Variants in HGSNAT observed in about 807,000 individuals in gnomAD.
HGSNAT encodes transmembrane protein 76.
In HGSNAT, 59 loss-of-function variants were observed where a neutral mutation model predicts 85.2. That is an observed-to-expected ratio of 0.69 (90% CI 0.56 to 0.86). The LOEUF is 0.86. Among genes scored for constraint, HGSNAT ranks in the 40% least tolerant of loss-of-function variants. The pLI is 0.00. For synonymous variants in HGSNAT, 321 were observed against 304.5 expected, an observed-to-expected ratio of 1.05 and a Z score of -0.56; for missense variants, 756 against 777.1, an observed-to-expected ratio of 0.97 and a Z score of 0.32.
At chr8:43,189,181 G>A (rs1175620439) in intron 11 of HGSNAT, among the ~76,000 whole-genome samples, 2 of 152,226 alleles carry the variant, frequency 1.3e-5, no homozygotes, top group East Asian at 3.9e-4. Flanking sequence ...GGACGTTTAA[G>A]TTTGCAGAAG....
In HGSNAT at chr8:43,140,491, G is replaced by A; in HGVS notation, c.-6G>A. ...GCAGGCAAGGGCGGCCGAGCGGGCG[G>A]CGGGCATGAGCGGGGCGGGCAGGGC... is the stretch of plus-strand genomic sequence containing the variant. On this transcript the variant is annotated 5_prime_UTR_variant, in exon 1 of 18. Coordinates refer to ENST00000379644, the MANE Select transcript of HGSNAT (RefSeq NM_152419.3). 2 of 1,012,398 alleles carry A rather than the reference G, an allele frequency of 2.0e-6. No homozygotes were observed. The highest frequency in any genetic ancestry group is 1.2e-6 in the Non-Finnish European group (1 of 848,306). 62.7% of individuals were successfully genotyped at this position (1,012,398 alleles called of 1,614,324 possible).
intron 7 of HGSNAT, among the ~76,000 whole-genome samples, chr8:43,171,776 A>C (rs1317589309): frequency 1.3e-4 from 20 of 152,236 alleles, no homozygotes; most frequent in Admixed American, 1.2e-3. Flanking sequence ...TATGCTGGGC[A>C]CTGGTTAGCT....
chr8:43,196,745 C>T (rs984715597), intron 14 of HGSNAT: 11 of 597,322 alleles, frequency 1.8e-5, no homozygotes, highest in Admixed American at 1.7e-4. Context: ...CCAGAGAGGG[C>T]GTTCATCTCT....
At chr8:43,142,874 C>T (rs1802594775) in intron 1 of HGSNAT, among the ~76,000 whole-genome samples, 1 of 152,202 alleles carries the variant, frequency 6.6e-6, no homozygotes, top group African/African-American at 2.4e-5. Flanking sequence ...CCTTATTCCG[C>T]CCACCACCAA....
chr8:43,199,167 C>A (rs1217853763), intron 17 of HGSNAT, among the ~76,000 whole-genome samples: 2 of 152,218 alleles, frequency 1.3e-5, no homozygotes, highest in African/African-American at 4.8e-5. Context: ...TCCCAAAGTG[C>A]TGGGATTATA....
chr8:43,155,087 A>G (rs768415823), intron 2 of HGSNAT, among the ~76,000 whole-genome samples: 5 of 151,784 alleles, frequency 3.3e-5, no homozygotes, highest in Non-Finnish European at 7.4e-5. Context: ...TTTCTTTTGG[A>G]TCTATACCCA....
intron 10 of HGSNAT, chr8:43,181,498 G>A (rs1242766155): frequency 6.6e-6 from 1 of 152,398 alleles, no homozygotes; most frequent in Non-Finnish European, 1.5e-5. Context: ...GCCAAATGGA[G>A]CCCTCAGGCA....
intron 14 of HGSNAT, chr8:43,194,599 GGC>G (rs1804647177): frequency 2.3e-6 from 2 of 878,150 alleles, no homozygotes; most frequent in African/African-American, 3.6e-5. Flanking sequence ...TGAGGGTCTG[GGC>G]TCTCCTCCCA....
chr8:43,195,674 GGGTGTGGA>G (rs1804697188), intron 14 of HGSNAT: 1 of 14,230 alleles, frequency 7.0e-5, no homozygotes, highest in Non-Finnish European at 3.1e-4. Flanking sequence ...AGGAGGGTGA[GGGTGTGGA>G]TGAGGAGGAG....
intron 2 of HGSNAT, among the ~76,000 whole-genome samples, chr8:43,149,846 A>T (rs1175290744): frequency 1.3e-5 from 2 of 152,204 alleles, no homozygotes; most frequent in African/African-American, 2.4e-5. Flanking sequence ...TATCTTTAAG[A>T]TATTTAAGGT....
At chr8:43,195,731 AGAGGAAGAG>A (rs377353367) in intron 14 of HGSNAT, 1 of 31,538 alleles carries the variant, frequency 3.2e-5, no homozygotes, top group African/African-American at 9.6e-5. Context: ...AGGAGGGGGT[AGAGGAAGAG>A]GAGGAAGAGG....
intron 14 of HGSNAT, 61 bp from the exon 15 acceptor site, chr8:43,196,887 A>T: frequency 1.0e-6 from 1 of 997,828 alleles, no homozygotes; most frequent in Non-Finnish European, 1.6e-6. Flanking sequence ...ACAGTGGATT[A>T]ATATGAAATA....
chr8:43,156,951 G>GT (rs1305973208), intron 2 of HGSNAT, among the ~76,000 whole-genome samples: 5 of 151,466 alleles, frequency 3.3e-5, no homozygotes, highest in South Asian at 2.1e-4. Context: ...AGTTGGGTCT[G>GT]TTTTTTTTAA....
chr8:43,175,468 A>C (rs1312525200), intron 9 of HGSNAT, among the ~76,000 whole-genome samples: 1 of 149,768 alleles, frequency 6.7e-6, no homozygotes, highest in Non-Finnish European at 1.5e-5. Flanking sequence ...CATTTCTCTG[A>C]TGATCAATGA....
rs1469124590 is a variant in HGSNAT at position 43,197,936 on chromosome 8, C to T, written c.1710C>T (p.Thr570=). Residue 570 remains threonine, a synonymous_variant, in exon 17 of 18, where the codon ACC becomes ACT. Coordinates refer to ENST00000379644, the MANE Select transcript of HGSNAT (RefSeq NM_152419.3). ...VVDVKGLWTG[T]PFFYPGMNSI... ...ATGTGAAGGGGCTGTGGACAGGAAC[C>T]CCATTCTTTTATCCAGGTAAGTCAC... is the stretch of plus-strand genomic sequence containing the variant. 1 of 1,613,084 alleles carries T rather than the reference C, an allele frequency of 6.2e-7. No homozygotes were observed. The highest frequency in any genetic ancestry group is 1.1e-5 in the South Asian group (1 of 90,990).
Position 43,175,708 on chromosome 8 carries a change from G to A in HGSNAT, c.851+1965G>A, listed in dbSNP as rs991934622. On this transcript the variant is annotated intron_variant, in intron 9 of 17. Transcript: ENST00000379644. Reference sequence around the variant, plus strand: ...AGCCTCCCGAGTAGCTGGGATTACAGGTGCGCACCACCACACCTGGCTATT... The same window carrying A: ...AGCCTCCCGAGTAGCTGGGATTACAAGTGCGCACCACCACACCTGGCTATT... 2.6e-5 allele frequency among the ~76,000 whole-genome samples: 4 copies of A among 151,584 alleles called. No homozygotes were observed. In the South Asian group the frequency reaches 8.4e-4, roughly 32 times the overall value.
chr8:43,144,807 A>G (rs538786241), intron 1 of HGSNAT, among the ~76,000 whole-genome samples: 2 of 152,312 alleles, frequency 1.3e-5, no homozygotes, highest in African/African-American at 4.8e-5. Flanking sequence ...TTGAAAAGTA[A>G]TGTTTTACAG....
intron 11 of HGSNAT, among the ~76,000 whole-genome samples, chr8:43,185,536 G>A (rs1476185768): frequency 1.3e-5 from 2 of 152,128 alleles, no homozygotes; most frequent in African/African-American, 2.4e-5. Context: ...GGAAATTTTG[G>A]GCTGAGATGA....
intron 5 of HGSNAT, among the ~76,000 whole-genome samples, chr8:43,166,505 C>A (rs1173821628): frequency 6.6e-6 from 1 of 152,204 alleles, no homozygotes; most frequent in South Asian, 2.1e-4. Context: ...ATAAATGGAA[C>A]AGCAAAGCCT....
Sources: gnomAD v4.1 joint callset for allele counts (sites outside exome capture counted in the v4.1 genomes callset) on GRCh38, gnomAD v4.1.1 for gene constraint, MANE v1.5 for transcripts, NCBI Gene and HGNC (gene_info 2026-07-23, HGNC 2026-07-21) for gene names.